Variants in U2SURP observed in about 807,000 individuals in gnomAD.
U2SURP encodes the protein U2 snRNP-associated SURP motif-containing protein.
U2SURP carries 9 observed loss-of-function variants against 144.9 expected under a neutral mutation model. The ratio of observed to expected loss-of-function variants is 0.06; its 90% CI spans 0.04 to 0.11. The LOEUF is 0.11. Among genes scored for constraint, U2SURP ranks in the 10% least tolerant of loss-of-function variants. U2SURP has a pLI of 1.00. For synonymous variants in U2SURP, 408 were observed against 396.8 expected (o/e 1.03, Z -0.33); for missense variants, 724 against 1,226.7 (o/e 0.59, Z 6.12).
rs765548680 is a variant in U2SURP at position 143,028,462 on chromosome 3, A to G, written c.1447-21A>G. On this transcript the variant is annotated intron_variant, in intron 15 of 27. Transcript: ENST00000473835. Reference sequence around the variant, plus strand: ...GACTCTGAGTAATTAGACCTTTATAATAACTCTAAATGTTTGTTAGGGAGA... The same window carrying G: ...GACTCTGAGTAATTAGACCTTTATAGTAACTCTAAATGTTTGTTAGGGAGA... The G allele has an allele frequency of 4.4e-6, 7 of 1,603,706 alleles. No individual in the cohort carries two copies. The East Asian group carries it at 8.9e-5, about 20-fold the overall frequency.
At position 143,044,289 on chromosome 3, in the gene U2SURP, C is replaced by CTTTTTTTTTTTTTTTTTT. The variant is rs56916268; in HGVS notation, c.2544+1030_2544+1031insTTTTTTTTTTTTTTTTTT. On this transcript the variant is annotated intron_variant, in intron 24 of 27. Transcript: ENST00000473835. ...TTTCCCTTTTCCCCTCTCCCCTCTC[C>CTTTTTTTTTTTTTTTTTT]TTTTTTTTTTTTTTTTTGAGACGGG... 1.5e-3 allele frequency among the ~76,000 whole-genome samples: 118 copies of CTTTTTTTTTTTTTTTTTT among 81,364 alleles called. 11 individuals are homozygous for CTTTTTTTTTTTTTTTTTT. The highest frequency in any genetic ancestry group is 5.9e-3 in the African/African-American group (102 of 17,288). The allele number at this position is 81,364 out of a possible 152,430, so 53.4% of individuals were successfully genotyped here. A position where few individuals can be genotyped will look rare whatever the true frequency, so the allele number is the denominator to read the frequency against.
chr3:143,016,872 A>G lies in U2SURP; in HGVS notation c.467A>G (p.Lys156Arg). ...EEHETDEKRG[K>R]IYKPSSRFAD... is the part of the protein sequence containing the mutation. Reference sequence around the variant, plus strand: ...CATGAAACAGATGAAAAAAGAGGTAAAATCTATAAGCCATCTTCAAGATTT... The same window carrying G: ...CATGAAACAGATGAAAAAAGAGGTAGAATCTATAAGCCATCTTCAAGATTT... Residue 156 changes from lysine to arginine, a missense_variant, in exon 6 of 28, where the codon AAA becomes AGA. Physicochemically the swap from Lys to Arg is conservative, Grantham distance 26 (BLOSUM62 2). Coordinates refer to ENST00000473835, the MANE Select transcript of U2SURP (RefSeq NM_001080415.2). 1 of 1,575,014 alleles carries G rather than the reference A, an allele frequency of 6.3e-7. No individual in the cohort carries two copies. The highest frequency in any genetic ancestry group is 8.6e-7 in the Non-Finnish European group (1 of 1,167,246).
chr3:143,015,770 A>C (rs1401211099), intron 4 of U2SURP, among the ~76,000 whole-genome samples: 1 of 152,028 alleles, frequency 6.6e-6, no homozygotes, highest in East Asian at 1.9e-4. Flanking sequence ...ATAATTGAAA[A>C]TATCAAGATT....
rs759040751 is a variant in U2SURP at position 143,016,335 on chromosome 3, A to G, written c.400A>G (p.Thr134Ala). 5.0e-6 allele frequency: 8 copies of G among 1,613,224 alleles called. No homozygotes were observed. The highest frequency in any genetic ancestry group is 1.1e-5 in the South Asian group (1 of 91,048). The change falls in exon 5 of 28, where the codon ACA (threonine) becomes GCA (alanine). Residue 134 changes from threonine (T) to alanine (A), a missense_variant. By Grantham distance (58) the Thr-to-Ala change is moderately conservative. Coordinates refer to ENST00000473835, the MANE Select transcript of U2SURP (RefSeq NM_001080415.2). The stretch of plus-strand genomic sequence containing the variant: ...AGGAAGTGATGGTAATAAAGTGAAA[A>G]CATTTGTGCGAGGGGGTGTTGTTAA... ...FEGSDGNKVK[T>A]FVRGGVVNAA...
In U2SURP at chr3:143,020,594, A is replaced by G. The variant is rs1439574376; in HGVS notation, c.639-5A>G. 6.2e-7 allele frequency: 1 copy of G among 1,605,346 alleles called. No homozygotes were observed. Among genetic ancestry groups the G allele is most frequent in the Non-Finnish European group, 8.5e-7 (1 of 1,174,984 alleles). ...ATTATAAGTGATTGTAAATATTTTC[A>G]ACAGAATTCAAGAGGAACGTGATGA... On this transcript the variant is annotated splice_region_variant and splice_polypyrimidine_tract_variant and intron_variant, in intron 7 of 27. Coordinates refer to ENST00000473835, the MANE Select transcript of U2SURP (RefSeq NM_001080415.2).
chr3:143,045,469 A>G (rs912899225), intron 24 of U2SURP, among the ~76,000 whole-genome samples: 4 of 152,058 alleles, frequency 2.6e-5, no homozygotes, highest in Non-Finnish European at 5.9e-5. Flanking sequence ...TTTCTTGATA[A>G]TACAAGCTAT....
chr3:143,035,853 T>G (rs1394915970), intron 19 of U2SURP, 129 bp from the exon 20 acceptor site: 15 of 962,854 alleles, frequency 1.6e-5, no homozygotes, highest in Non-Finnish European at 2.2e-5. Flanking sequence ...TATAGTTATT[T>G]TCTTTAAAGT....
At chr3:143,007,778 T>A (rs1935921686) in intron 1 of U2SURP, among the ~76,000 whole-genome samples, 1 of 152,178 alleles carries the variant, frequency 6.6e-6, no homozygotes, top group Admixed American at 6.5e-5. Flanking sequence ...TTGGTTTGTG[T>A]TCTTCAGTTA....
intron 1 of U2SURP, among the ~76,000 whole-genome samples, chr3:143,004,081 C>G (rs968331499): frequency 3.9e-5 from 6 of 152,104 alleles, no homozygotes; most frequent in African/African-American, 1.4e-4. Flanking sequence ...AATTTCTAGC[C>G]TTTGATATCT....
chr3:143,026,624 A>G (rs1285647102), intron 13 of U2SURP: 2 of 152,162 alleles, frequency 1.3e-5, no homozygotes, highest in Admixed American at 1.3e-4. Context: ...TGGATTTTTT[A>G]TTAAATCAGG....
intron 5 of U2SURP, 97 bp from the exon 6 acceptor site, chr3:143,016,745 A>C: frequency 1.8e-6 from 2 of 1,095,018 alleles, no homozygotes; most frequent in Non-Finnish European, 2.5e-6. Flanking sequence ...ACATCTTAAT[A>C]CTAAAAGCAT....
In U2SURP at chr3:143,033,264, A is replaced by G; in HGVS notation, c.1774-7A>G. 4 of 1,509,250 alleles carry G rather than the reference A, an allele frequency of 2.7e-6. No individual in the cohort carries two copies. The highest frequency in any genetic ancestry group is 3.6e-6 in the Non-Finnish European group (4 of 1,110,100). The allele number at this position is 1,509,250 out of a possible 1,614,324, so 93.5% of individuals were successfully genotyped here. ...AACCTATTTTGTGTTATCTTTTGAT[A>G]TTATAGATTGCCAGATTATATTTGG... On this transcript the variant is annotated splice_polypyrimidine_tract_variant and splice_region_variant and intron_variant, in intron 17 of 27. Coordinates refer to ENST00000473835, the MANE Select transcript of U2SURP (RefSeq NM_001080415.2).
intron 26 of U2SURP, among the ~76,000 whole-genome samples, chr3:143,054,214 G>A (rs1033203818): frequency 1.3e-5 from 2 of 152,182 alleles, no homozygotes; most frequent in South Asian, 2.1e-4. Context: ...ATAGGCCAAA[G>A]CTCACCTTAA....
chr3:143,021,998 A>G (rs1363929895), intron 10 of U2SURP, among the ~76,000 whole-genome samples: 1 of 152,220 alleles, frequency 6.6e-6, no homozygotes, highest in African/African-American at 2.4e-5. Context: ...ATATGCTATT[A>G]TTAAAAATTA....
At chr3:143,038,046 G>A (rs1309134912) in intron 21 of U2SURP, 62 bp from the exon 22 acceptor site, 15 of 1,192,042 alleles carry the variant, frequency 1.3e-5, no homozygotes, top group Non-Finnish European at 1.6e-5. Context: ...GAATACCCAT[G>A]AATGTAATAC....
chr3:143,047,901 C>G (rs563972120), intron 24 of U2SURP, among the ~76,000 whole-genome samples: 2 of 151,302 alleles, frequency 1.3e-5, no homozygotes, highest in Non-Finnish European at 2.9e-5. Context: ...AACCTCCCTC[C>G]CGGACGGGGT....
Position 143,048,332 on chromosome 3 carries a change from C to A in U2SURP, c.2545-2607C>A, listed in dbSNP as rs143630762. ...TTTAAAATGATTATCTTAGGAATCC[C>A]TTCTCTCCCCTAAGTAACATTTGGG... On this transcript the variant is annotated intron_variant, in intron 24 of 27. Coordinates refer to ENST00000473835, the MANE Select transcript of U2SURP (RefSeq NM_001080415.2). 2.4e-4 allele frequency among the ~76,000 whole-genome samples: 37 copies of A among 152,248 alleles called. No homozygotes were observed. The East Asian group carries it at 3.9e-3, about 16-fold the overall frequency.
chr3:143,035,066 T>A (rs1933735984), intron 19 of U2SURP, 91 bp downstream of exon 19: 1 of 626,972 alleles, frequency 1.6e-6, no homozygotes, highest in Non-Finnish European at 2.6e-6. Flanking sequence ...AAGACAAGTA[T>A]GAGACATAAA....
rs1475185609 is a variant in U2SURP, at chr3:143,057,210, A to C, written c.*760A>C. 2.0e-5 allele frequency: 3 copies of C among 152,528 alleles called. No individual in the cohort carries two copies. In the East Asian group the frequency reaches 5.8e-4, roughly 29 times the overall value. 9.4% of individuals were successfully genotyped at this position (152,528 alleles called of 1,614,324 possible). The stretch of plus-strand genomic sequence containing the variant: ...TGAGCAACTACTTACTTTTAGGGGG[A>C]AATTAAATATCTTTTCATTTCCTCT... On this transcript the variant is annotated 3_prime_UTR_variant, in exon 28 of 28. Coordinates refer to ENST00000473835, the MANE Select transcript of U2SURP (RefSeq NM_001080415.2).
Sources: gnomAD v4.1 joint callset for allele counts (sites outside exome capture counted in the v4.1 genomes callset) on GRCh38, gnomAD v4.1.1 for gene constraint, MANE v1.5 for transcripts, NCBI Gene and HGNC (gene_info 2026-07-23, HGNC 2026-07-21) for gene names.